Variants in DYNC1I1 observed in about 807,000 individuals in gnomAD.
DYNC1I1 encodes cytoplasmic dynein 1 intermediate chain 1.
DYNC1I1 carries 43 observed loss-of-function variants against 86.6 expected under a neutral mutation model. The observed-to-expected ratio is 0.50, with a 90% CI of 0.39 to 0.64. DYNC1I1 has a LOEUF of 0.64. Ranked by LOEUF, DYNC1I1 falls within the 30% of genes least tolerant of loss-of-function variation. The pLI is 0.00. For synonymous variants in DYNC1I1, 262 were observed against 283.7 expected, an observed-to-expected ratio of 0.92 and a Z score of 0.77; for missense variants, 604 against 788.8, an observed-to-expected ratio of 0.77 and a Z score of 2.81.
chr7:95,997,729 T>A (rs970765192), intron 10 of DYNC1I1, among the ~76,000 whole-genome samples: 9 of 149,870 alleles, frequency 6.0e-5, no homozygotes, highest in African/African-American at 1.7e-4. Context: ...CTCGTGATTT[T>A]AAAAAAAAAG....
At chr7:95,828,945 A>G (rs1370755822) in intron 5 of DYNC1I1, among the ~76,000 whole-genome samples, 1 of 152,168 alleles carries the variant, frequency 6.6e-6, no homozygotes, top group Non-Finnish European at 1.5e-5. Context: ...ATCAGCTGGA[A>G]ATCAGCCACG....
At chr7:95,988,472 A>T (rs540003610) in intron 9 of DYNC1I1, among the ~76,000 whole-genome samples, 1 of 152,310 alleles carries the variant, frequency 6.6e-6, no homozygotes, top group Non-Finnish European at 1.5e-5. Context: ...AAGCAGGCAA[A>T]TTTACCAAAA....
chr7:96,045,930 G>T (rs1789199101), intron 14 of DYNC1I1, among the ~76,000 whole-genome samples: 1 of 152,208 alleles, frequency 6.6e-6, no homozygotes, highest in African/African-American at 2.4e-5. Context: ...GGATTCAGAA[G>T]AGGATGCTAA....
chr7:95,932,879 A>ATT (rs11392614), intron 6 of DYNC1I1, among the ~76,000 whole-genome samples: 2,551 of 137,684 alleles, frequency 0.019, 57 homozygotes, highest in East Asian at 0.084. Context: ...TTATTTTTTA[A>ATT]TTTTTTTTTT....
At chr7:95,916,746 C>T (rs531419376) in intron 6 of DYNC1I1, among the ~76,000 whole-genome samples, 1 of 152,176 alleles carries the variant, frequency 6.6e-6, no homozygotes, top group East Asian at 1.9e-4. Context: ...GGATTCCGCA[C>T]GCTGCACAAA....
At chr7:95,798,376 G>A (rs887695967) in intron 1 of DYNC1I1, among the ~76,000 whole-genome samples, 5 of 151,980 alleles carry the variant, frequency 3.3e-5, no homozygotes, top group African/African-American at 1.2e-4. Flanking sequence ...GCTCACGGTG[G>A]TCGTCTGTAT....
chr7:95,985,088 A>G, intron 8 of DYNC1I1, 111 bp downstream of exon 8: 1 of 1,449,558 alleles, frequency 6.9e-7, no homozygotes, highest in Non-Finnish European at 9.3e-7. Flanking sequence ...AGGAGGGTGA[A>G]ATTTTGGAAT....
chr7:95,992,883 G>T (rs1200016731), intron 9 of DYNC1I1, among the ~76,000 whole-genome samples: 1 of 152,090 alleles, frequency 6.6e-6, no homozygotes, highest in South Asian at 2.1e-4. Flanking sequence ...TGTGTTGGAG[G>T]CCTCAACCTC....
intron 5 of DYNC1I1, among the ~76,000 whole-genome samples, chr7:95,841,993 C>A (rs1789296143): frequency 6.6e-6 from 1 of 152,164 alleles, no homozygotes; most frequent in Non-Finnish European, 1.5e-5. Flanking sequence ...CAGAGATAGG[C>A]AAGTTAGGAA....
At chr7:96,081,913 G>GT (rs1483500271) in intron 16 of DYNC1I1, among the ~76,000 whole-genome samples, 1 of 33,332 alleles carries the variant, frequency 3.0e-5, no homozygotes, top group Non-Finnish European at 5.7e-5. Context: ...ATAATTCTAA[G>GT]TAAAAAAAAA....
chr7:95,970,656 C>A (rs1562959398), intron 6 of DYNC1I1, among the ~76,000 whole-genome samples: 1 of 151,978 alleles, frequency 6.6e-6, no homozygotes, highest in Non-Finnish European at 1.5e-5. Context: ...CATTCAAGGC[C>A]CTACGTGATG....
chr7:96,041,355 T>C (rs1182883643), intron 14 of DYNC1I1, among the ~76,000 whole-genome samples: 1 of 152,158 alleles, frequency 6.6e-6, no homozygotes, highest in African/African-American at 2.4e-5. Flanking sequence ...AAACCAGCTG[T>C]TCTCATACAT....
At chr7:96,058,948 A>G (rs1017538865) in intron 14 of DYNC1I1, among the ~76,000 whole-genome samples, 1 of 151,586 alleles carries the variant, frequency 6.6e-6, no homozygotes, top group African/African-American at 2.4e-5. Flanking sequence ...CTGGCCAGTT[A>G]ATTCTTGTTA....
intron 6 of DYNC1I1, among the ~76,000 whole-genome samples, chr7:95,941,119 C>T (rs113246987): frequency 0.015 from 2,305 of 152,268 alleles, 54 homozygotes; most frequent in African/African-American, 0.053. Flanking sequence ...AGTGGGTTTT[C>T]GTGAACCGCC....
intron 16 of DYNC1I1, among the ~76,000 whole-genome samples, chr7:96,095,404 G>A (rs186768954): frequency 6.6e-6 from 1 of 151,958 alleles, no homozygotes; most frequent in South Asian, 2.1e-4. Flanking sequence ...ATAACATATT[G>A]CATAGGTCAT....
chr7:96,082,127 A>C (rs1790539600), intron 16 of DYNC1I1, among the ~76,000 whole-genome samples: 1 of 152,196 alleles, frequency 6.6e-6, no homozygotes, highest in Admixed American at 6.5e-5. Flanking sequence ...TACCGCCAGT[A>C]GTGTTACAGC....
At chr7:96,002,738 G>A (rs1794041990) in intron 10 of DYNC1I1, among the ~76,000 whole-genome samples, 1 of 152,162 alleles carries the variant, frequency 6.6e-6, no homozygotes, top group South Asian at 2.1e-4. Flanking sequence ...TCAGGCAACA[G>A]GAGAGTGCTG....
chr7:96,032,766 C>T lies in DYNC1I1; in HGVS notation c.1216C>T (p.Leu406Phe). 1 of 1,613,410 alleles carries T rather than the reference C, an allele frequency of 6.2e-7. No homozygotes were observed. The highest frequency in any genetic ancestry group is 1.7e-5 in the Admixed American group (1 of 59,988). ...GKMCSWSLDM[L>F]STPQESMELV... Reference sequence around the variant, plus strand: ...AATGTGTTCCTGGAGCCTGGACATGCTCTCAACTCCACAGGTGGGTTTGTT... The same window carrying T: ...AATGTGTTCCTGGAGCCTGGACATGTTCTCAACTCCACAGGTGGGTTTGTT... The change falls in exon 12 of 17, where the codon CTC becomes TTC. Residue 406 changes from leucine to phenylalanine, a missense_variant. Leu to Phe is a conservative substitution (Grantham distance 22). Coordinates refer to ENST00000447467, the MANE Select transcript of DYNC1I1 (RefSeq NM_001135556.2).
chr7:96,028,429 C>A, intron 11 of DYNC1I1, 108 bp downstream of exon 11: 1 of 1,401,974 alleles, frequency 7.1e-7, no homozygotes, highest in South Asian at 1.5e-5. Flanking sequence ...TTAGGAGGAT[C>A]TACTTTATTA....
Sources: gnomAD v4.1 joint callset for allele counts (sites outside exome capture counted in the v4.1 genomes callset) on GRCh38, gnomAD v4.1.1 for gene constraint, MANE v1.5 for transcripts, NCBI Gene and HGNC (gene_info 2026-07-23, HGNC 2026-07-21) for gene names.